The following EXOC4 variants were observed in gnomAD, a reference collection of about 807,000 sequenced individuals.
The protein encoded by EXOC4 is SEC8-like 1.
EXOC4 carries 71 observed loss-of-function variants against 107.2 expected under a neutral mutation model. The ratio of observed to expected loss-of-function variants is 0.66; its 90% CI spans 0.55 to 0.81. The LOEUF is 0.81. Ranked by LOEUF, EXOC4 falls within the 30% of genes least tolerant of loss-of-function variation. EXOC4 has a pLI of 0.00. For missense variants in EXOC4, 1,108 were observed against 1,189.6 expected, an observed-to-expected ratio of 0.93 and a Z score of 1.01; for synonymous variants, 456 against 441.2, an observed-to-expected ratio of 1.03 and a Z score of -0.42.
rs918874299 is a variant in EXOC4 at position 133,884,094 on chromosome 7, C to T, written c.1735-11505C>T. Among the ~76,000 whole-genome samples the T allele has an allele frequency of 1.3e-5, 2 of 152,142 alleles. 1 individual carries two copies. The highest frequency in any genetic ancestry group is 2.9e-5 in the Non-Finnish European group (2 of 68,008). The stretch of plus-strand genomic sequence containing the variant: ...AAACAAAACCATTATTGTCATGAAA[C>T]ATTTGTGAAGCCCCGTTTTCACGAT... On this transcript the variant is annotated intron_variant, in intron 11 of 17. Transcript: ENST00000253861.
At chr7:133,420,507 G>A (rs1432738751) in intron 7 of EXOC4, among the ~76,000 whole-genome samples, 1 of 152,072 alleles carries the variant, frequency 6.6e-6, no homozygotes, top group Non-Finnish European at 1.5e-5. Flanking sequence ...TCAGAGTCTT[G>A]TATAGTGTCA....
chr7:134,037,384 T>C (rs1307389814), intron 17 of EXOC4, among the ~76,000 whole-genome samples: 3 of 152,134 alleles, frequency 2.0e-5, no homozygotes, highest in Non-Finnish European at 4.4e-5. Flanking sequence ...AATCAGATGA[T>C]CAAAAAGCAT....
chr7:133,974,248 T>C (rs1793774136), intron 14 of EXOC4, among the ~76,000 whole-genome samples: 1 of 152,218 alleles, frequency 6.6e-6, no homozygotes, highest in African/African-American at 2.4e-5. Context: ...TCCAAGTTCT[T>C]TGTCTGTACT....
intron 10 of EXOC4, among the ~76,000 whole-genome samples, chr7:133,802,050 C>G (rs1563003956): frequency 6.6e-6 from 1 of 152,174 alleles, no homozygotes; most frequent in Non-Finnish European, 1.5e-5. Context: ...TTTCTAGAAT[C>G]TTTGAACCTG....
At chr7:133,447,087 A>G (rs938951128) in intron 7 of EXOC4, among the ~76,000 whole-genome samples, 3 of 152,166 alleles carry the variant, frequency 2.0e-5, no homozygotes, top group Non-Finnish European at 4.4e-5. Flanking sequence ...TTGCTTTGGC[A>G]GCTTTAGTTT....
chr7:133,294,301 GCATCAAA>G (rs1244114858), intron 3 of EXOC4, among the ~76,000 whole-genome samples: 1 of 152,114 alleles, frequency 6.6e-6, no homozygotes, highest in Non-Finnish European at 1.5e-5. Context: ...GTAGAAGTCT[GCATCAAA>G]CTAAAATTGC....
At chr7:133,672,239 A>C (rs1479521607) in intron 10 of EXOC4, among the ~76,000 whole-genome samples, 1 of 151,752 alleles carries the variant, frequency 6.6e-6, no homozygotes, top group Non-Finnish European at 1.5e-5. Flanking sequence ...AAAATACAAA[A>C]AATTAGCCGG....
At chr7:133,916,864 G>C (rs370108028) in intron 12 of EXOC4, among the ~76,000 whole-genome samples, 1 of 152,156 alleles carries the variant, frequency 6.6e-6, no homozygotes, top group Non-Finnish European at 1.5e-5. Context: ...ATGTTGAACC[G>C]AAAGAAAAGC....
At chr7:133,765,237 GT>G (rs1408649970) in intron 10 of EXOC4, among the ~76,000 whole-genome samples, 2 of 151,936 alleles carry the variant, frequency 1.3e-5, no homozygotes, top group African/African-American at 4.8e-5. Flanking sequence ...GAGGATTGCT[GT>G]TTTTTTCTCC....
chr7:133,909,407 C>T (rs188442375), intron 12 of EXOC4, among the ~76,000 whole-genome samples: 20 of 152,124 alleles, frequency 1.3e-4, no homozygotes, highest in East Asian at 7.7e-4. Flanking sequence ...GGGAAGACGC[C>T]GCAGAGGACG....
At chr7:133,705,125 A>C (rs1794741790) in intron 10 of EXOC4, among the ~76,000 whole-genome samples, 1 of 152,148 alleles carries the variant, frequency 6.6e-6, no homozygotes, top group South Asian at 2.1e-4. Context: ...GCACTTTGGG[A>C]GGCTGAGGCC....
intron 10 of EXOC4, among the ~76,000 whole-genome samples, chr7:133,773,464 TTTA>T (rs141227227): frequency 3.2e-4 from 47 of 149,202 alleles, no homozygotes; most frequent in Non-Finnish European, 4.6e-4. Context: ...TTACTAGGTT[TTTA>T]TTATTATTAT....
intron 17 of EXOC4, among the ~76,000 whole-genome samples, chr7:134,047,844 T>G (rs1034347116): frequency 2.6e-5 from 4 of 152,236 alleles, no homozygotes; most frequent in Non-Finnish European, 4.4e-5. Flanking sequence ...CCGGACAGGT[T>G]CTTCCTGCCT....
intron 14 of EXOC4, among the ~76,000 whole-genome samples, chr7:133,979,182 GTC>G (rs1563078802): frequency 6.6e-6 from 1 of 152,076 alleles, no homozygotes; most frequent in Non-Finnish European, 1.5e-5. Flanking sequence ...TCCAATTTCT[GTC>G]TCTTCAGGTG....
At chr7:134,063,569 T>C (rs73448431) in intron 17 of EXOC4, among the ~76,000 whole-genome samples, 3,220 of 152,202 alleles carry the variant, frequency 0.021, 126 homozygotes, top group African/African-American at 0.074. Context: ...GAGGGGTAAG[T>C]GGCACAGTGC....
intron 9 of EXOC4, among the ~76,000 whole-genome samples, chr7:133,516,617 A>G (rs930014786): frequency 6.6e-6 from 1 of 152,048 alleles, no homozygotes; most frequent in African/African-American, 2.4e-5. Flanking sequence ...TTTGGGTACT[A>G]TGAATAACAT....
At chr7:134,087,246 T>C in the EXOC4 span, among the ~76,000 whole-genome samples, 1 of 152,172 alleles carries the variant, frequency 6.6e-6, no homozygotes, top group African/African-American at 2.4e-5. Flanking sequence ...TGCAGAGGGA[T>C]GAAGATCTAT....
intron 11 of EXOC4, among the ~76,000 whole-genome samples, chr7:133,886,008 C>T (rs1003652358): frequency 1.3e-5 from 2 of 152,162 alleles, no homozygotes; most frequent in Non-Finnish European, 2.9e-5. Context: ...TGTTCAAGCT[C>T]ACCCTGTTCA....
chr7:133,808,439 A>G (rs1425953252), intron 10 of EXOC4, among the ~76,000 whole-genome samples: 3 of 152,162 alleles, frequency 2.0e-5, no homozygotes, highest in Non-Finnish European at 4.4e-5. Context: ...TTCGACTCAG[A>G]TAATACTAGT....
Sources: gnomAD v4.1 joint callset for allele counts (sites outside exome capture counted in the v4.1 genomes callset) on GRCh38, gnomAD v4.1.1 for gene constraint, MANE v1.5 for transcripts, NCBI Gene and HGNC (gene_info 2026-07-23, HGNC 2026-07-21) for gene names.